The following ELK3 variants were observed in gnomAD, a reference collection of about 807,000 sequenced individuals.
The protein encoded by ELK3 is ETS transcription factor ELK3.
In ELK3, 10 loss-of-function variants were observed where a neutral mutation model predicts 28.9. That is an observed-to-expected ratio of 0.35 (90% CI 0.21 to 0.59). ELK3 has a LOEUF of 0.59. Ranked by LOEUF, ELK3 falls within the 20% of genes least tolerant of loss-of-function variation. The pLI, the probability that ELK3 is intolerant of heterozygous loss-of-function variation, is 0.82. For missense variants in ELK3, 463 were observed against 517.3 expected, an observed-to-expected ratio of 0.90 and a Z score of 1.02; for synonymous variants, 272 against 243.5, an observed-to-expected ratio of 1.12 and a Z score of -1.09.
At chr12:96,196,717 T>G (rs990576077) in intron 1 of ELK3, among the ~76,000 whole-genome samples, 2 of 150,004 alleles carry the variant, frequency 1.3e-5, no homozygotes, top group Non-Finnish European at 3.0e-5. Flanking sequence ...CTATGCCAAA[T>G]ATAGCAAAGG....
chr12:96,241,954 G>A (rs1019465036), intron 2 of ELK3, among the ~76,000 whole-genome samples: 5 of 152,178 alleles, frequency 3.3e-5, no homozygotes, highest in Admixed American at 2.6e-4. Flanking sequence ...TTGCAAATAC[G>A]TATTTAATGG....
chr12:96,238,105 A>T (rs1951796806), intron 2 of ELK3, among the ~76,000 whole-genome samples: 1 of 152,180 alleles, frequency 6.6e-6, no homozygotes, highest in Non-Finnish European at 1.5e-5. Flanking sequence ...CCTTCTGTAA[A>T]CTGTAAAGTA....
intron 2 of ELK3, among the ~76,000 whole-genome samples, chr12:96,242,504 T>G (rs1951828446): frequency 6.6e-6 from 1 of 152,198 alleles, no homozygotes; most frequent in African/African-American, 2.4e-5. Context: ...CTCAGCAAAC[T>G]CTTGGAAGGA....
intron 2 of ELK3, among the ~76,000 whole-genome samples, chr12:96,227,051 A>G (rs1951707769): frequency 1.3e-5 from 2 of 152,244 alleles, no homozygotes; most frequent in Non-Finnish European, 1.5e-5. Flanking sequence ...TTCGACTCAC[A>G]GAAATGGCAG....
chr12:96,230,687 T>C (rs547964483), intron 2 of ELK3, among the ~76,000 whole-genome samples: 2 of 152,128 alleles, frequency 1.3e-5, no homozygotes, highest in African/African-American at 4.8e-5. Context: ...TTTTAATAGA[T>C]GACTTAAATG....
chr12:96,216,983 G>A lies in ELK3; in HGVS notation c.-2-6582G>A, dbSNP rs572313650. ...AGAAAATAGCTAAACAGCTGGATGC[G>A]ATGGCTCATGCCTGTAATCCCAGCA... On this transcript the variant is annotated intron_variant, in intron 1 of 4. Coordinates refer to ENST00000228741, the MANE Select transcript of ELK3 (RefSeq NM_005230.4). 2.7e-4 allele frequency among the ~76,000 whole-genome samples: 41 copies of A among 152,336 alleles called. No individual in the cohort carries two copies. The South Asian group carries it at 8.1e-3, about 30-fold the overall frequency.
intron 2 of ELK3, among the ~76,000 whole-genome samples, chr12:96,231,485 A>G (rs1201453333): frequency 6.6e-6 from 1 of 151,974 alleles, no homozygotes; most frequent in East Asian, 1.9e-4. Flanking sequence ...AGCATTCACC[A>G]CTTCTTGAAT....
chr12:96,212,020 A>T (rs527636434), intron 1 of ELK3, among the ~76,000 whole-genome samples: 2 of 152,304 alleles, frequency 1.3e-5, no homozygotes, highest in East Asian at 3.9e-4. Context: ...AAAAATTCTG[A>T]GTTTTCTTGG....
intron 1 of ELK3, among the ~76,000 whole-genome samples, chr12:96,202,184 A>G (rs538636625): frequency 8.5e-5 from 13 of 152,286 alleles, no homozygotes; most frequent in Non-Finnish European, 1.3e-4. Context: ...TGACCAGGTC[A>G]TTCTTCTACT....
chr12:96,262,179 C>G (rs1194777527), intron 4 of ELK3, among the ~76,000 whole-genome samples: 1 of 152,198 alleles, frequency 6.6e-6, no homozygotes, highest in African/African-American at 2.4e-5. Context: ...CCACCACACA[C>G]AGTTAATTTT....
intron 3 of ELK3, among the ~76,000 whole-genome samples, chr12:96,252,293 A>C (rs1017228751): frequency 3.3e-5 from 5 of 152,268 alleles, no homozygotes; most frequent in Admixed American, 1.3e-4. Flanking sequence ...ATATACAAGA[A>C]GATTAATATT....
At position 96,247,420 on chromosome 12, in the gene ELK3, G is replaced by A. The variant is rs1466448645; in HGVS notation, c.688G>A (p.Ala230Thr). Residue 230 changes from alanine (A) to threonine (T), a missense_variant, in exon 3 of 5, where the codon GCT becomes ACT. By Grantham distance (58) the Ala-to-Thr change is moderately conservative. Transcript: ENST00000228741. The surrounding 1 kb of genome is among the most constrained non-coding windows in gnomAD (Gnocchi z 5.5). ...GATCTCCTCTTTAATGTTGCCAAAC[G>A]CTGCCAGTATTTCATCCGCCTCACC... ...AKISSLMLPN[A>T]ASISSASPFS... 5 of 1,613,904 alleles carry A rather than the reference G, an allele frequency of 3.1e-6. No homozygotes were observed. Among genetic ancestry groups the A allele is most frequent in the Admixed American group, 1.7e-5 (1 of 59,992 alleles).
At chr12:96,222,499 G>A (rs1018640492) in intron 1 of ELK3, among the ~76,000 whole-genome samples, 2 of 152,224 alleles carry the variant, frequency 1.3e-5, no homozygotes, top group African/African-American at 4.8e-5. Flanking sequence ...TGCCGGGAAA[G>A]GGAAGGTCTC....
At chr12:96,197,033 C>G (rs1245914401) in intron 1 of ELK3, among the ~76,000 whole-genome samples, 1 of 151,964 alleles carries the variant, frequency 6.6e-6, no homozygotes. Flanking sequence ...TGTGAGTAGG[C>G]TAACAAAACT....
At chr12:96,260,085 T>G (rs912828040) in intron 4 of ELK3, among the ~76,000 whole-genome samples, 1 of 152,210 alleles carries the variant, frequency 6.6e-6, no homozygotes, top group Admixed American at 6.5e-5. Context: ...GTTCTTAAAG[T>G]GTTTTGCATA....
chr12:96,236,655 C>T (rs1419752504), intron 2 of ELK3, among the ~76,000 whole-genome samples: 1 of 152,188 alleles, frequency 6.6e-6, no homozygotes, highest in Non-Finnish European at 1.5e-5. Context: ...CCACCTTACC[C>T]GGTGCCTGTA....
intron 3 of ELK3, among the ~76,000 whole-genome samples, chr12:96,249,992 T>G (rs1047615614): frequency 6.6e-6 from 1 of 152,062 alleles, no homozygotes; most frequent in Non-Finnish European, 1.5e-5. Context: ...GGGGCTGTGA[T>G]GATTTAGTGC....
intron 1 of ELK3, among the ~76,000 whole-genome samples, chr12:96,201,415 GTCTGAGATCAACCT>G (rs747971078): frequency 0.014 from 2,055 of 152,024 alleles, 44 homozygotes; most frequent in Admixed American, 0.056. Context: ...GAGCCCAGGA[GTCTGAGATCAACCT>G]GGGCAACATA....
intron 1 of ELK3, among the ~76,000 whole-genome samples, chr12:96,218,982 T>G (rs1366426962): frequency 6.6e-6 from 1 of 152,098 alleles, no homozygotes; most frequent in Non-Finnish European, 1.5e-5. Context: ...AAAGGGAATT[T>G]TAAAAAAAAG....
Sources: allele counts gnomAD v4.1 joint callset (sites outside exome capture counted in the v4.1 genomes callset), GRCh38; gene constraint gnomAD v4.1.1; non-coding constraint Gnocchi (gnomAD v3.1); transcripts MANE v1.5; gene names NCBI Gene and HGNC (gene_info 2026-07-23, HGNC 2026-07-21).